DLG1: variants seen among roughly 807,000 people sequenced by gnomAD.
DLG1 encodes the protein discs large MAGUK scaffold protein 1.
DLG1 carries 42 observed loss-of-function variants against 123.4 expected under a neutral mutation model. That is an observed-to-expected ratio of 0.34 (90% CI 0.27 to 0.44). The LOEUF is 0.44. Ranked by LOEUF, DLG1 falls within the 20% of genes least tolerant of loss-of-function variation. The pLI, the probability that DLG1 is intolerant of heterozygous loss-of-function variation, is 1.00. For synonymous variants in DLG1, 317 were observed against 356.2 expected (o/e 0.89, Z 1.24); for missense variants, 942 against 1,082.6 (o/e 0.87, Z 1.82).
At chr3:197,171,587 TCA>T (rs1223538301) in intron 5 of DLG1, among the ~76,000 whole-genome samples, 1 of 152,148 alleles carries the variant, frequency 6.6e-6, no homozygotes, top group African/African-American at 2.4e-5. Context: ...GTGTGTTAGT[TCA>T]CACAGACAGA....
At chr3:197,249,851 T>C (rs138048450) in intron 4 of DLG1, among the ~76,000 whole-genome samples, 2 of 152,252 alleles carry the variant, frequency 1.3e-5, no homozygotes, top group African/African-American at 4.8e-5. Context: ...AAGCACTTGA[T>C]AAAATTCAAT....
chr3:197,183,379 A>G (rs913893579), intron 5 of DLG1, among the ~76,000 whole-genome samples: 2 of 152,202 alleles, frequency 1.3e-5, no homozygotes, highest in African/African-American at 2.4e-5. Context: ...TTGGTATTAC[A>G]TAAGAGCATA....
intron 4 of DLG1, among the ~76,000 whole-genome samples, chr3:197,242,481 A>G (rs1749432670): frequency 6.6e-6 from 1 of 151,902 alleles, no homozygotes; most frequent in South Asian, 2.1e-4. Context: ...CTGCTGGAGA[A>G]TACACATTCT....
At chr3:197,102,886 T>G (rs1764290640) in intron 14 of DLG1, among the ~76,000 whole-genome samples, 1 of 152,114 alleles carries the variant, frequency 6.6e-6, no homozygotes, top group Admixed American at 6.5e-5. Context: ...TACTTATTAC[T>G]TTGCTAGATT....
intron 14 of DLG1, among the ~76,000 whole-genome samples, chr3:197,094,530 G>A (rs537791992): frequency 3.0e-4 from 46 of 152,236 alleles, no homozygotes; most frequent in Admixed American, 2.7e-3. Context: ...GGCTTATTCT[G>A]TTTTCATATT....
chr3:197,145,921 C>T (rs1365948175), intron 6 of DLG1, among the ~76,000 whole-genome samples: 3 of 151,764 alleles, frequency 2.0e-5, no homozygotes, highest in Admixed American at 1.3e-4. Flanking sequence ...ACCCAGGAGG[C>T]GGAGGTTGCA....
At chr3:197,269,511 T>C (rs1316175533) in intron 4 of DLG1, among the ~76,000 whole-genome samples, 1 of 152,242 alleles carries the variant, frequency 6.6e-6, no homozygotes. Context: ...TTCCTTTGTC[T>C]AGGTAACAAG....
intron 23 of DLG1, among the ~76,000 whole-genome samples, chr3:197,055,981 C>T (rs1399237652): frequency 6.6e-6 from 1 of 152,164 alleles, no homozygotes; most frequent in Non-Finnish European, 1.5e-5. Context: ...CTCCCACAAA[C>T]CCTATGCAAA....
At chr3:197,166,611 C>CG (rs1231208227) in intron 5 of DLG1, among the ~76,000 whole-genome samples, 1 of 152,118 alleles carries the variant, frequency 6.6e-6, no homozygotes, top group Non-Finnish European at 1.5e-5. Context: ...ACAACATGGC[C>CG]GGGCACGGAG....
rs189568446 is a variant in DLG1, at chr3:197,201,316, G to A, written c.319-6727C>T. On this transcript the variant is annotated intron_variant, in intron 4 of 24. Transcript: ENST00000667157. Reference sequence around the variant, plus strand: ...GGAGAATGGTGTGAACCCGGGAGGCGGAGCTTGCAGTGAGCCAAGATCGCG... The same window carrying A: ...GGAGAATGGTGTGAACCCGGGAGGCAGAGCTTGCAGTGAGCCAAGATCGCG... Among the ~76,000 whole-genome samples the A allele has an allele frequency of 9.9e-4, 150 of 152,274 alleles. No individual in the cohort carries two copies. In the Middle Eastern group the frequency reaches 0.01, roughly 10 times the overall value.
At chr3:197,077,791 T>C (rs1748253677) in intron 17 of DLG1, among the ~76,000 whole-genome samples, 1 of 152,170 alleles carries the variant, frequency 6.6e-6, no homozygotes, top group Non-Finnish European at 1.5e-5. Flanking sequence ...CATTTCTCTG[T>C]CATAGGCATT....
chr3:197,254,169 T>C (rs1190307428), intron 4 of DLG1, among the ~76,000 whole-genome samples: 1 of 152,190 alleles, frequency 6.6e-6, no homozygotes, highest in Non-Finnish European at 1.5e-5. Flanking sequence ...TGGAGAGTTA[T>C]TTGTCCCCAC....
chr3:197,214,537 C>A (rs1325905923), intron 4 of DLG1, among the ~76,000 whole-genome samples: 3 of 151,936 alleles, frequency 2.0e-5, no homozygotes, highest in African/African-American at 7.3e-5. Context: ...AGCGCCACTG[C>A]ACTCTAGCCT....
intron 17 of DLG1, among the ~76,000 whole-genome samples, chr3:197,079,641 T>C (rs1749607116): frequency 6.6e-6 from 1 of 152,198 alleles, no homozygotes; most frequent in Admixed American, 6.5e-5. Flanking sequence ...TTTTTAAAGA[T>C]ATACATAAAA....
At chr3:197,235,341 A>C (rs961550079) in intron 4 of DLG1, among the ~76,000 whole-genome samples, 4 of 152,240 alleles carry the variant, frequency 2.6e-5, no homozygotes, top group African/African-American at 9.6e-5. Context: ...CCAGAAATCA[A>C]ATAGTGAGTA....
At chr3:197,154,041 G>A (rs775660340) in intron 5 of DLG1, among the ~76,000 whole-genome samples, 9 of 152,210 alleles carry the variant, frequency 5.9e-5, no homozygotes, top group South Asian at 4.1e-4. Context: ...GGTGGCTTAC[G>A]CCTGTAATCC....
intron 5 of DLG1, among the ~76,000 whole-genome samples, chr3:197,173,230 T>C (rs1356723059): frequency 1.3e-5 from 2 of 152,152 alleles, no homozygotes; most frequent in African/African-American, 4.8e-5. Flanking sequence ...CATTTAAAGG[T>C]CAGAATATTT....
chr3:197,147,876 T>TA (rs5855567), intron 6 of DLG1, among the ~76,000 whole-genome samples: 55,320 of 142,894 alleles, frequency 0.39, 10,831 homozygotes, highest in East Asian at 0.73. Context: ...CCTTTAAAAT[T>TA]AAAAAAAAAA....
rs186647401 is a variant in DLG1 at position 197,270,474 on chromosome 3, T to C, written c.318+12205A>G. Among the ~76,000 whole-genome samples the C allele has an allele frequency of 4.7e-3, 720 of 152,294 alleles. 13 individuals are homozygous for C. Among genetic ancestry groups the C allele is most frequent in the Middle Eastern group, 3.4e-3 (1 of 294 alleles). On this transcript the variant is annotated intron_variant, in intron 4 of 24. Coordinates refer to ENST00000667157, the MANE Select transcript of DLG1 (RefSeq NM_001366207.1). ...TAATGTAAACTTTAGCCTGTCTTTTTAGAAGGAACAGAAGTTCATCCCTAG... is the reference window on the plus strand; with the variant it reads ...TAATGTAAACTTTAGCCTGTCTTTTCAGAAGGAACAGAAGTTCATCCCTAG...
Sources: allele counts gnomAD v4.1 joint callset (sites outside exome capture counted in the v4.1 genomes callset), GRCh38; gene constraint gnomAD v4.1.1; transcripts MANE v1.5; gene names NCBI Gene and HGNC (gene_info 2026-07-23, HGNC 2026-07-21).